PRKG1: variants seen among roughly 807,000 people sequenced by gnomAD.
PRKG1 encodes the protein protein kinase cGMP-dependent 1.
A neutral mutation model predicts 88.1 loss-of-function variants in PRKG1; 35 were observed. That is an observed-to-expected ratio of 0.40 (90% CI 0.30 to 0.53). PRKG1 has a LOEUF of 0.53. PRKG1 is among the 20% of genes least tolerant of loss of function. PRKG1 has a pLI of 0.59. For synonymous variants in PRKG1, 303 were observed against 292.5 expected, an observed-to-expected ratio of 1.04 and a Z score of -0.37; for missense variants, 540 against 839.8, an observed-to-expected ratio of 0.64 and a Z score of 4.41.
intron 1 of PRKG1, among the ~76,000 whole-genome samples, chr10:51,040,532 C>G (rs576278553): frequency 1.3e-5 from 2 of 151,750 alleles, no homozygotes; most frequent in East Asian, 3.9e-4. Context: ...GTTGGCCAGG[C>G]TGGTCTTGAA....
At chr10:51,062,390 G>T (rs1589128508) in intron 1 of PRKG1, among the ~76,000 whole-genome samples, 2 of 152,290 alleles carry the variant, frequency 1.3e-5, no homozygotes, top group East Asian at 3.9e-4. Flanking sequence ...AACACTGAAT[G>T]TTGGGCTGAT....
chr10:51,987,643 T>C (rs1844197561), intron 5 of PRKG1, among the ~76,000 whole-genome samples: 1 of 152,076 alleles, frequency 6.6e-6, no homozygotes, highest in South Asian at 2.1e-4. Context: ...TAAGTTTATC[T>C]CCAACCGTAA....
At chr10:51,963,248 CT>C (rs1843489103) in intron 5 of PRKG1, among the ~76,000 whole-genome samples, 1 of 152,112 alleles carries the variant, frequency 6.6e-6, no homozygotes. Flanking sequence ...AGACCCAAAT[CT>C]GCTGAAGATT....
chr10:51,649,014 C>T (rs1270098179), intron 3 of PRKG1, among the ~76,000 whole-genome samples: 3 of 152,006 alleles, frequency 2.0e-5, no homozygotes, highest in Non-Finnish European at 2.9e-5. Flanking sequence ...AACTAAACCC[C>T]GTCTCTATAA....
chr10:52,094,742 G>T (rs1038298134), intron 7 of PRKG1, among the ~76,000 whole-genome samples: 8 of 152,122 alleles, frequency 5.3e-5, no homozygotes, highest in African/African-American at 1.9e-4. Context: ...TGTGGGACAG[G>T]CATCTGCACA....
At chr10:51,717,150 G>A (rs972547885) in intron 3 of PRKG1, among the ~76,000 whole-genome samples, 1 of 152,218 alleles carries the variant, frequency 6.6e-6, no homozygotes, top group African/African-American at 2.4e-5. Context: ...GACGTACCCA[G>A]GTCTGAAAAT....
intron 3 of PRKG1, among the ~76,000 whole-genome samples, chr10:51,563,400 T>C (rs1461265241): frequency 2.6e-5 from 4 of 152,172 alleles, no homozygotes; most frequent in Non-Finnish European, 4.4e-5. Flanking sequence ...AAACACTATG[T>C]ACCCCATGAA....
chr10:51,278,600 G>C (rs1347987942), intron 2 of PRKG1, among the ~76,000 whole-genome samples: 1 of 151,998 alleles, frequency 6.6e-6, no homozygotes, highest in Non-Finnish European at 1.5e-5. Context: ...TTTTTTGGTT[G>C]GTAGGCTATT....
chr10:51,404,964 G>GA (rs530885350), intron 2 of PRKG1, among the ~76,000 whole-genome samples: 26 of 151,728 alleles, frequency 1.7e-4, no homozygotes, highest in African/African-American at 5.3e-4. Flanking sequence ...CGTGATTAAG[G>GA]AAAAAAAATC....
At chr10:51,925,666 G>A (rs1475021889) in intron 5 of PRKG1, among the ~76,000 whole-genome samples, 1 of 152,052 alleles carries the variant, frequency 6.6e-6, no homozygotes, top group Non-Finnish European at 1.5e-5. Context: ...TTTCTCTTGA[G>A]AAAAAGTACA....
At chr10:52,276,170 C>G (rs1230777788) in intron 12 of PRKG1, among the ~76,000 whole-genome samples, 1 of 152,072 alleles carries the variant, frequency 6.6e-6, no homozygotes, top group Non-Finnish European at 1.5e-5. Flanking sequence ...TTTGGATGCC[C>G]TTTATTTCTT....
At chr10:51,778,722 A>G (rs1838506401) in intron 3 of PRKG1, among the ~76,000 whole-genome samples, 1 of 152,168 alleles carries the variant, frequency 6.6e-6, no homozygotes, top group Non-Finnish European at 1.5e-5. Context: ...TGTAGCTGTA[A>G]GAGTAGATAT....
At chr10:51,129,275 A>G (rs1230468510) in intron 1 of PRKG1, among the ~76,000 whole-genome samples, 1 of 152,106 alleles carries the variant, frequency 6.6e-6, no homozygotes, top group Non-Finnish European at 1.5e-5. Context: ...CAGGAGTTCA[A>G]GACCAGCCTG....
intron 3 of PRKG1, among the ~76,000 whole-genome samples, chr10:51,635,822 A>G (rs1456378221): frequency 6.6e-6 from 1 of 152,194 alleles, no homozygotes; most frequent in East Asian, 1.9e-4. Context: ...GAGACAGGGA[A>G]ACAATTTAGC....
intron 5 of PRKG1, among the ~76,000 whole-genome samples, chr10:51,978,172 G>GTTATTCCAGCAACAT (rs1404316053): frequency 2.6e-5 from 4 of 151,782 alleles, no homozygotes; most frequent in Non-Finnish European, 4.4e-5. Flanking sequence ...TGACTAGCTA[G>GTTATTCCAGCAACAT]TTATTCCAGC....
chr10:51,504,071 T>C (rs1271273435), intron 3 of PRKG1, among the ~76,000 whole-genome samples: 1 of 152,144 alleles, frequency 6.6e-6, no homozygotes, highest in Non-Finnish European at 1.5e-5. Flanking sequence ...ACTGCTTTCT[T>C]ATAAAGCGGA....
At chr10:51,821,194 GC>G (rs757057640) in intron 4 of PRKG1, among the ~76,000 whole-genome samples, 3 of 152,068 alleles carry the variant, frequency 2.0e-5, no homozygotes, top group Non-Finnish European at 4.4e-5. Flanking sequence ...GTTTATTCTT[GC>G]TTTGTAACAT....
chr10:52,037,050 G>A (rs528567976), intron 5 of PRKG1, among the ~76,000 whole-genome samples: 64 of 152,276 alleles, frequency 4.2e-4, no homozygotes, highest in African/African-American at 1.5e-3. Context: ...AAGCCGAGAA[G>A]ATCTGGGAAG....
chr10:51,514,758 A>C (rs1167476887), intron 3 of PRKG1, among the ~76,000 whole-genome samples: 1 of 152,220 alleles, frequency 6.6e-6, no homozygotes, highest in Non-Finnish European at 1.5e-5. Flanking sequence ...CAAGAGTTGT[A>C]CATCACAAAG....
Sources: gnomAD v4.1 joint callset for allele counts (sites outside exome capture counted in the v4.1 genomes callset) on GRCh38, gnomAD v4.1.1 for gene constraint, MANE v1.5 for transcripts, NCBI Gene and HGNC (gene_info 2026-07-23, HGNC 2026-07-21) for gene names.